The following GRIP1 variants were observed in gnomAD, a reference collection of about 807,000 sequenced individuals.
GRIP1 encodes the protein glutamate receptor interacting protein 1, also known as glutamate receptor-interacting protein 1.
Under a neutral mutation model 129.9 loss-of-function variants are expected in GRIP1, and 45 were observed. That is an observed-to-expected ratio of 0.35 (90% CI 0.27 to 0.44). The LOEUF (loss-of-function observed/expected upper bound fraction) is 0.44. Ranked by LOEUF, GRIP1 falls within the 20% of genes least tolerant of loss-of-function variation. The pLI, the probability that GRIP1 is intolerant of heterozygous loss-of-function variation, is 1.00. For missense variants in GRIP1, 1,196 were observed against 1,396.8 expected (o/e 0.86, Z 2.29); for synonymous variants, 530 against 520.8 (o/e 1.02, Z -0.24).
At chr12:66,854,119 G>GTT in intron 1 of GRIP1, among the ~76,000 whole-genome samples, 1 of 152,110 alleles carries the variant, frequency 6.6e-6, no homozygotes, top group East Asian at 1.9e-4. Context: ...ATAAGGTACA[G>GTT]TTTGCACCTT....
chr12:66,806,754 C>A (rs972035095), upstream of GRIP1, among the ~76,000 whole-genome samples: 8 of 151,794 alleles, frequency 5.3e-5, no homozygotes, highest in African/African-American at 1.7e-4. Flanking sequence ...ATCTACATAC[C>A]AAACTCTGTT....
chr12:66,630,746 C>T (rs2140038452), intron 1 of GRIP1, among the ~76,000 whole-genome samples: 1 of 152,286 alleles, frequency 6.6e-6, no homozygotes, highest in East Asian at 1.9e-4. Flanking sequence ...CATCTTATCA[C>T]ATTTTCAGTG....
chr12:66,758,888 C>T (rs978660714), intron 1 of GRIP1, among the ~76,000 whole-genome samples: 29 of 152,120 alleles, frequency 1.9e-4, no homozygotes, highest in Non-Finnish European at 2.8e-4. Flanking sequence ...TGTGGCTTTT[C>T]GGGTACAGCC....
At chr12:66,958,652 C>A (rs1445884189) in intron 1 of GRIP1, among the ~76,000 whole-genome samples, 1 of 152,148 alleles carries the variant, frequency 6.6e-6, no homozygotes, top group Non-Finnish European at 1.5e-5. Context: ...TTTAAGATAT[C>A]ATTTTCAAAG....
chr12:66,993,113 C>CAA (rs34149423), intron 1 of GRIP1, among the ~76,000 whole-genome samples: 42,234 of 144,310 alleles, frequency 0.29, 7,144 homozygotes, highest in Non-Finnish European at 0.38. Context: ...GACCCTGTCT[C>CAA]AAAAAAAAAA....
At chr12:66,588,138 A>C (rs1192431546) in intron 2 of GRIP1, among the ~76,000 whole-genome samples, 1 of 152,150 alleles carries the variant, frequency 6.6e-6, no homozygotes, top group Non-Finnish European at 1.5e-5. Flanking sequence ...AAGGGGAAAC[A>C]TAAAGCATAG....
chr12:66,786,006 C>A (rs1472117632), intron 1 of GRIP1, among the ~76,000 whole-genome samples: 1 of 152,086 alleles, frequency 6.6e-6, no homozygotes, highest in East Asian at 1.9e-4. Flanking sequence ...TTGCTTGAGC[C>A]CAGGAGATGG....
At chr12:66,956,159 TC>T (rs1189439391) in intron 1 of GRIP1, among the ~76,000 whole-genome samples, 1 of 152,152 alleles carries the variant, frequency 6.6e-6, no homozygotes, top group Non-Finnish European at 1.5e-5. Flanking sequence ...CCCACTAATG[TC>T]CTTTTCCACT....
At chr12:66,551,107 C>T (rs948877734) in intron 2 of GRIP1, among the ~76,000 whole-genome samples, 1 of 152,134 alleles carries the variant, frequency 6.6e-6, no homozygotes, top group Non-Finnish European at 1.5e-5. Context: ...TTCAATGTTC[C>T]CTTAGATAAG....
At chr12:67,038,949 G>T (rs138357711) in intron 1 of GRIP1, among the ~76,000 whole-genome samples, 2 of 151,798 alleles carry the variant, frequency 1.3e-5, no homozygotes, top group South Asian at 2.1e-4. Flanking sequence ...GCCTAAATAC[G>T]TACCACAGCA....
intron 5 of GRIP1, among the ~76,000 whole-genome samples, chr12:66,526,714 A>G (rs1399251465): frequency 6.6e-6 from 1 of 151,782 alleles, no homozygotes; most frequent in African/African-American, 2.4e-5. Context: ...CTGCACAGCA[A>G]AAGAAACTAC....
At chr12:66,815,850 T>TCTC (rs1555241792) in intron 1 of GRIP1, among the ~76,000 whole-genome samples, 1,734 of 65,096 alleles carry the variant, frequency 0.027, 23 homozygotes, top group Non-Finnish European at 0.041. Flanking sequence ...CTTTCTTTCT[T>TCTC]TCTTTCTCTC....
intron 22 of GRIP1, among the ~76,000 whole-genome samples, chr12:66,375,195 G>A (rs1439769076): frequency 1.3e-5 from 2 of 152,058 alleles, no homozygotes; most frequent in Admixed American, 6.6e-5. Context: ...CATTTTTATA[G>A]AAGAAATATC....
intron 7 of GRIP1, among the ~76,000 whole-genome samples, chr12:66,472,759 A>AGGGACTGTGC (rs2059476121): frequency 1.3e-5 from 2 of 152,158 alleles, no homozygotes. Context: ...GGAAGCCATG[A>AGGGACTGTGC]GGGACTGTGC....
chr12:66,907,542 G>A (rs1247003570), intron 1 of GRIP1, among the ~76,000 whole-genome samples: 1 of 152,158 alleles, frequency 6.6e-6, no homozygotes, highest in Non-Finnish European at 1.5e-5. Flanking sequence ...GCAGAGGCAA[G>A]TTGAGATCTG....
At chr12:66,593,813 A>T (rs1263178076) in intron 2 of GRIP1, among the ~76,000 whole-genome samples, 1 of 152,118 alleles carries the variant, frequency 6.6e-6, no homozygotes, top group African/African-American at 2.4e-5. Flanking sequence ...TCACACCTGT[A>T]ATCCCTGCAC....
chr12:66,836,053 T>A (rs904327102), intron 1 of GRIP1, among the ~76,000 whole-genome samples: 4 of 152,176 alleles, frequency 2.6e-5, no homozygotes, highest in Non-Finnish European at 5.9e-5. Context: ...ACTCTATTTT[T>A]AAAATAATAG....
At position 66,659,704 on chromosome 12, in the gene GRIP1, G is replaced by A. The variant is rs549217274; in HGVS notation, c.55+19146C>T. 1.6e-3 allele frequency among the ~76,000 whole-genome samples: 248 copies of A among 152,160 alleles called. 1 individual carries two copies. The highest frequency in any genetic ancestry group is 5.2e-3 in the African/African-American group (214 of 41,512). ...GCTGTTCATTCTGACAGTATGTTTTGTATGTTCTCTAAACATGGACATTTT... is the reference window on the plus strand; with the variant it reads ...GCTGTTCATTCTGACAGTATGTTTTATATGTTCTCTAAACATGGACATTTT... On this transcript the variant is annotated intron_variant, in intron 1 of 24. Transcript: ENST00000359742.
At position 66,957,650 on chromosome 12, in the gene GRIP1, T is replaced by C. The variant is rs376581270; in HGVS notation, c.58+111400A>G. 7.2e-5 allele frequency among the ~76,000 whole-genome samples: 11 copies of C among 152,228 alleles called. No individual in the cohort carries two copies. The East Asian group carries it at 1.7e-3, about 24-fold the overall frequency. On this transcript the variant is annotated intron_variant, in intron 1 of 1. Coordinates refer to the GRIP1 transcript ENST00000643019. ...TGTTTGTCTCATGATTAGACTATGG[T>C]CATAGGTTCTGAAGAGTAAGACCAC... is the stretch of plus-strand genomic sequence containing the variant.
Sources: allele counts gnomAD v4.1 joint callset (sites outside exome capture counted in the v4.1 genomes callset), GRCh38; gene constraint gnomAD v4.1.1; transcripts MANE v1.5; gene names NCBI Gene and HGNC (gene_info 2026-07-23, HGNC 2026-07-21).